Variants in FLT1 observed in about 807,000 individuals in gnomAD.
FLT1 encodes vascular endothelial growth factor receptor 1.
A neutral mutation model predicts 156.3 loss-of-function variants in FLT1; 49 were observed. The ratio of observed to expected loss-of-function variants is 0.31; its 90% confidence interval spans 0.25 to 0.40. The LOEUF (loss-of-function observed/expected upper bound fraction) is 0.40. Ranked by LOEUF, FLT1 falls within the 10% of genes least tolerant of loss-of-function variation. FLT1 has a pLI of 1.00. For missense variants in FLT1, 1,322 were observed against 1,637.2 expected (o/e 0.81, Z 3.32); for synonymous variants, 594 against 583.8 (o/e 1.02, Z -0.25).
intron 15 of FLT1, among the ~76,000 whole-genome samples, chr13:28,348,873 C>T (rs901181627): frequency 6.6e-6 from 1 of 151,368 alleles, no homozygotes; most frequent in African/African-American, 2.4e-5. Flanking sequence ...GGTGCCACTG[C>T]GCCACTGCAC....
rs1555297478 is a variant in FLT1, at chr13:28,300,523, A to ACACC, written c.*2643_*2644insGGTG. 2 of 14,694 alleles carry ACACC rather than the reference A, an allele frequency of 1.4e-4. No homozygotes were observed. Among genetic ancestry groups the ACACC allele is most frequent in the African/African-American group, 1.8e-4 (2 of 10,820 alleles). 0.9% of individuals were successfully genotyped at this position (14,694 alleles called of 1,614,324 possible). ...TTATGCACAAAACACACATACACCC[A>ACACC]CACACACACACACACACACACACAC... On this transcript the variant is annotated 3_prime_UTR_variant, in exon 30 of 30. Transcript: ENST00000282397.
intron 10 of FLT1, among the ~76,000 whole-genome samples, chr13:28,422,545 G>C (rs1455365027): frequency 6.6e-6 from 1 of 152,162 alleles, no homozygotes; most frequent in East Asian, 1.9e-4. Flanking sequence ...CAACATTTTA[G>C]AAACAGATCT....
intron 15 of FLT1, among the ~76,000 whole-genome samples, chr13:28,353,972 C>A (rs1872815923): frequency 6.6e-6 from 1 of 152,212 alleles, no homozygotes. Context: ...ATTCACCAAC[C>A]TCTTTAAATC....
chr13:28,308,712 G>A (rs940994835), intron 28 of FLT1, 131 bp downstream of exon 28: 2 of 719,684 alleles, frequency 2.8e-6, no homozygotes, highest in Admixed American at 3.9e-5. Flanking sequence ...TCCCCACACT[G>A]TCATTTCAGC....
At chr13:28,376,867 G>A (rs1364270241) in intron 14 of FLT1, among the ~76,000 whole-genome samples, 2 of 152,200 alleles carry the variant, frequency 1.3e-5, no homozygotes, top group South Asian at 2.1e-4. Context: ...TCAGGGTCAA[G>A]GGTTCTCCAA....
intron 14 of FLT1, among the ~76,000 whole-genome samples, chr13:28,358,565 A>C (rs534364519): frequency 6.6e-6 from 1 of 152,342 alleles, no homozygotes; most frequent in African/African-American, 2.4e-5. Context: ...TTGAAGCTTC[A>C]ATACCTTGTA....
At chr13:28,355,799 C>T (rs1184200944) in intron 15 of FLT1, among the ~76,000 whole-genome samples, 1 of 152,248 alleles carries the variant, frequency 6.6e-6, no homozygotes, top group Non-Finnish European at 1.5e-5. Context: ...GAAAGAATAA[C>T]AGCAGGCCTC....
At chr13:28,494,745 C>T (rs763636078) in intron 1 of FLT1, 35 bp downstream of exon 1, 2 of 1,525,804 alleles carry the variant, frequency 1.3e-6, no homozygotes, top group African/African-American at 1.4e-5. Context: ...CCCATCGCAG[C>T]CCGCCTCAGG....
chr13:28,482,946 TAGCTTGTACATCAACA>T (rs1423342139), intron 1 of FLT1, among the ~76,000 whole-genome samples: 1 of 152,226 alleles, frequency 6.6e-6, no homozygotes, highest in East Asian at 1.9e-4. Context: ...GAACCACTTT[TAGCTTGTACATCAACA>T]ATGTGTGTCA....
chr13:28,382,412 C>T (rs996450772), intron 14 of FLT1, among the ~76,000 whole-genome samples: 21 of 152,158 alleles, frequency 1.4e-4, no homozygotes, highest in East Asian at 1.9e-4. Flanking sequence ...AGCATAACGT[C>T]GTAGGAGTAG....
At position 28,306,775 on chromosome 13, in the gene FLT1, AG is replaced by A. The variant is rs1402291183; in HGVS notation, c.3721-4del. 4 of 1,605,540 alleles carry A rather than the reference AG, an allele frequency of 2.5e-6. No homozygotes were observed. The Admixed American group carries it at 6.7e-5, about 27-fold the overall frequency. The stretch of plus-strand genomic sequence containing the variant: ...GTGCTGCTGTCGCCCTGGTAGTCCT[AG>A]GGGGAGAAGGAGAAAGGTTATACTC... On this transcript the variant is annotated splice_polypyrimidine_tract_variant and splice_region_variant and intron_variant, in intron 28 of 29. Coordinates refer to ENST00000282397, the MANE Select transcript of FLT1 (RefSeq NM_002019.4).
intron 11 of FLT1, among the ~76,000 whole-genome samples, chr13:28,398,703 G>GA (rs1875223133): frequency 6.6e-6 from 1 of 152,142 alleles, no homozygotes; most frequent in East Asian, 1.9e-4. Flanking sequence ...GAAAGTGTCT[G>GA]CAATATGTGG....
At chr13:28,431,373 A>G (rs763166073) in intron 6 of FLT1, 63 bp from the exon 7 acceptor site, 3 of 1,176,498 alleles carry the variant, frequency 2.5e-6, no homozygotes, top group Non-Finnish European at 3.8e-6. Flanking sequence ...GTTATATAGG[A>G]TTTTAACATT....
chr13:28,332,069 A>AT (rs992528346), intron 18 of FLT1, among the ~76,000 whole-genome samples: 8 of 152,068 alleles, frequency 5.3e-5, no homozygotes, highest in African/African-American at 1.7e-4. Flanking sequence ...ACAAAAAAAA[A>AT]TTTTTTGAAT....
intron 11 of FLT1, among the ~76,000 whole-genome samples, chr13:28,398,131 A>T (rs1875178434): frequency 6.6e-6 from 1 of 152,208 alleles, no homozygotes; most frequent in African/African-American, 2.4e-5. Context: ...ATATGAAAAA[A>T]ATGAGAAAGC....
At chr13:28,352,216 G>A (rs1013809765) in intron 15 of FLT1, among the ~76,000 whole-genome samples, 1 of 152,148 alleles carries the variant, frequency 6.6e-6, no homozygotes, top group African/African-American at 2.4e-5. Flanking sequence ...TGTAACCCTG[G>A]ACAAGTCACT....
chr13:28,400,224 T>C (rs562273681), intron 11 of FLT1, among the ~76,000 whole-genome samples: 85 of 152,354 alleles, frequency 5.6e-4, no homozygotes, highest in African/African-American at 1.9e-3. Context: ...ATGGGTAACA[T>C]AAATTAAATA....
intron 10 of FLT1, among the ~76,000 whole-genome samples, chr13:28,421,515 T>C (rs1418100237): frequency 2.1e-5 from 3 of 143,988 alleles, no homozygotes; most frequent in Non-Finnish European, 4.5e-5. Context: ...TTGGCCCCAA[T>C]GGTGGAGGAG....
At chr13:28,361,685 TA>T (rs1873117582) in intron 14 of FLT1, among the ~76,000 whole-genome samples, 4 of 152,306 alleles carry the variant, frequency 2.6e-5, no homozygotes, top group African/African-American at 9.6e-5. Context: ...CAGTATCGTC[TA>T]AAAAATTAAA....
Sources: allele counts gnomAD v4.1 joint callset (sites outside exome capture counted in the v4.1 genomes callset), GRCh38; gene constraint gnomAD v4.1.1; transcripts MANE v1.5; gene names NCBI Gene and HGNC (gene_info 2026-07-23, HGNC 2026-07-21).